Variants in KIAA0232 observed in about 807,000 individuals in gnomAD.
The protein encoded by KIAA0232 is uncharacterized protein KIAA0232.
KIAA0232 carries 27 observed loss-of-function variants against 122.0 expected under a neutral mutation model. The observed-to-expected ratio is 0.22, with a 90% CI of 0.16 to 0.31. The LOEUF (loss-of-function observed/expected upper bound fraction) is 0.31, where lower values mean the gene tolerates loss of function less well. KIAA0232 is among the 10% of genes least tolerant of loss of function. The pLI is 1.00. For missense variants in KIAA0232, 1,551 were observed against 1,634.2 expected, an observed-to-expected ratio of 0.95 and a Z score of 0.88; for synonymous variants, 613 against 587.6, an observed-to-expected ratio of 1.04 and a Z score of -0.63.
chr4:6,830,581 A>T (rs1389516453), intron 3 of KIAA0232, among the ~76,000 whole-genome samples: 1 of 151,418 alleles, frequency 6.6e-6, no homozygotes. Context: ...TAATTTTTAT[A>T]TTTTTAGTAG....
In KIAA0232 at chr4:6,824,440, G is replaced by T; in HGVS notation, c.-14G>T. ...AAATGCTTCACATTTTAAGGATGTCGGCAACCTAAATTCATGTACCCTATC... is the reference window on the plus strand; with the variant it reads ...AAATGCTTCACATTTTAAGGATGTCTGCAACCTAAATTCATGTACCCTATC... On this transcript the variant is annotated 5_prime_UTR_variant, in exon 3 of 10. Coordinates refer to ENST00000307659, the MANE Select transcript of KIAA0232 (RefSeq NM_014743.3). 2 of 1,604,912 alleles carry T rather than the reference G, an allele frequency of 1.2e-6. No individual in the cohort carries two copies. Among genetic ancestry groups the T allele is most frequent in the Non-Finnish European group, 1.7e-6 (2 of 1,171,642 alleles).
intron 3 of KIAA0232, among the ~76,000 whole-genome samples, chr4:6,839,986 C>T (rs1270586226): frequency 1.3e-5 from 2 of 152,120 alleles, no homozygotes; most frequent in Admixed American, 6.5e-5. Flanking sequence ...GAATGCTCTC[C>T]TCAGAATCTG....
At chr4:6,813,579 G>T (rs1230501764) in intron 2 of KIAA0232, among the ~76,000 whole-genome samples, 1 of 151,862 alleles carries the variant, frequency 6.6e-6, no homozygotes, top group Non-Finnish European at 1.5e-5. Flanking sequence ...AGCCAGGATG[G>T]TCTCGATCTC....
At chr4:6,837,941 G>GAGAGGC (rs1252358131) in intron 3 of KIAA0232, among the ~76,000 whole-genome samples, 9 of 151,998 alleles carry the variant, frequency 5.9e-5, no homozygotes, top group Non-Finnish European at 1.2e-4. Context: ...GAGGGAGAGG[G>GAGAGGC]AGAGGCAGAG....
At chr4:6,820,047 T>A (rs1368000313) in intron 2 of KIAA0232, among the ~76,000 whole-genome samples, 1 of 152,080 alleles carries the variant, frequency 6.6e-6, no homozygotes, top group African/African-American at 2.4e-5. Flanking sequence ...GAGTTAAACA[T>A]CAGTTACTTG....
At chr4:6,841,870 C>G (rs796977134) in intron 3 of KIAA0232, among the ~76,000 whole-genome samples, 197 bp from the exon 4 acceptor site, 9 of 152,326 alleles carry the variant, frequency 5.9e-5, no homozygotes, top group African/African-American at 2.2e-4. Flanking sequence ...GATGGCAGTA[C>G]ACCCCAAGTT....
rs755564590 is a variant in KIAA0232 at position 6,862,014 on chromosome 4, C to G, written c.1632C>G (p.Asn544Lys). Reference protein sequence around the residue: ...LNMIRQKSKENTDFEAECCIV... With the variant: ...LNMIRQKSKEKTDFEAECCIV... ...TGATTCGACAGAAAAGCAAAGAGAA[C>G]ACAGATTTTGAGGCAGAATGTTGCA... Residue 544 changes from asparagine to lysine, a missense_variant, in exon 7 of 10, where the codon AAC becomes AAG. Physicochemically the swap from Asn to Lys is moderately conservative, Grantham distance 94. Coordinates refer to ENST00000307659, the MANE Select transcript of KIAA0232 (RefSeq NM_014743.3). The G allele has an allele frequency of 1.2e-6, 2 of 1,614,132 alleles. No individual in the cohort carries two copies. The highest frequency in any genetic ancestry group is 1.3e-5 in the African/African-American group (1 of 75,024).
chr4:6,804,208 A>T (rs1280680833), intron 1 of KIAA0232, among the ~76,000 whole-genome samples: 3 of 152,108 alleles, frequency 2.0e-5, no homozygotes, highest in Non-Finnish European at 4.4e-5. Context: ...GCTGTACCTA[A>T]TACTTAGCAA....
intron 9 of KIAA0232, among the ~76,000 whole-genome samples, chr4:6,879,147 T>C (rs1721922806): frequency 1.3e-5 from 2 of 152,166 alleles, no homozygotes; most frequent in Admixed American, 1.3e-4. Context: ...CCATGGTCTT[T>C]TCATTGTCCT....
intron 2 of KIAA0232, among the ~76,000 whole-genome samples, chr4:6,817,705 G>A (rs1157833988): frequency 6.6e-6 from 1 of 152,132 alleles, no homozygotes; most frequent in Non-Finnish European, 1.5e-5. Context: ...TAATAATGTT[G>A]TTCTCTCTAT....
intron 1 of KIAA0232, among the ~76,000 whole-genome samples, chr4:6,794,552 G>A (rs1040871132): frequency 6.6e-6 from 1 of 152,204 alleles, no homozygotes; most frequent in Non-Finnish European, 1.5e-5. Flanking sequence ...GAAAAACAGA[G>A]CAAAAGATGG....
chr4:6,783,695 C>T (rs1220541054), intron 1 of KIAA0232, among the ~76,000 whole-genome samples: 12 of 145,870 alleles, frequency 8.2e-5, no homozygotes, highest in African/African-American at 5.0e-5. Context: ...GGGCGCGGCG[C>T]GGGGGGCGGG....
intron 1 of KIAA0232, among the ~76,000 whole-genome samples, chr4:6,791,909 G>A (rs1454619335): frequency 6.6e-6 from 1 of 152,142 alleles, no homozygotes; most frequent in African/African-American, 2.4e-5. Flanking sequence ...TTGAATCATG[G>A]GGACAGGTCT....
At chr4:6,850,411 G>C (rs894165014) in intron 4 of KIAA0232, among the ~76,000 whole-genome samples, 2 of 152,126 alleles carry the variant, frequency 1.3e-5, no homozygotes, top group Non-Finnish European at 2.9e-5. Context: ...CTGTTTGAAG[G>C]TGTACACAAA....
intron 7 of KIAA0232, among the ~76,000 whole-genome samples, chr4:6,866,575 G>C (rs1721193311): frequency 6.6e-6 from 1 of 152,134 alleles, no homozygotes; most frequent in Non-Finnish European, 1.5e-5. Context: ...TGTGCTTCCG[G>C]CCCTTTTCCT....
intron 3 of KIAA0232, among the ~76,000 whole-genome samples, chr4:6,839,844 CTG>C (rs916640979): frequency 1.3e-5 from 2 of 152,130 alleles, no homozygotes; most frequent in African/African-American, 4.8e-5. Context: ...GAGGTCATCA[CTG>C]TGGGCTGAAG....
intron 1 of KIAA0232, among the ~76,000 whole-genome samples, chr4:6,787,695 T>C (rs1479473583): frequency 6.6e-6 from 1 of 152,198 alleles, no homozygotes; most frequent in African/African-American, 2.4e-5. Context: ...CTTATGAAGA[T>C]AGTTACTGTA....
intron 2 of KIAA0232, among the ~76,000 whole-genome samples, chr4:6,815,045 TA>T (rs35090346): frequency 3.8e-4 from 56 of 147,376 alleles, no homozygotes; most frequent in African/African-American, 4.7e-4. Flanking sequence ...AAGGGAACGT[TA>T]AAAAAAAAAA....
intron 1 of KIAA0232, among the ~76,000 whole-genome samples, chr4:6,789,086 T>G (rs779701076): frequency 6.6e-5 from 10 of 152,106 alleles, no homozygotes; most frequent in Non-Finnish European, 1.5e-4. Flanking sequence ...TTCTCCTGCC[T>G]CAGCTTCCCG....
Sources: gnomAD v4.1 joint callset for allele counts (sites outside exome capture counted in the v4.1 genomes callset) on GRCh38, gnomAD v4.1.1 for gene constraint, MANE v1.5 for transcripts, NCBI Gene and HGNC (gene_info 2026-07-23, HGNC 2026-07-21) for gene names.